WWTR1: variants seen among roughly 807,000 people sequenced by gnomAD.
WWTR1 encodes WW domain containing transcription regulator 1.
Under a neutral mutation model 40.1 loss-of-function variants are expected in WWTR1, and 13 were observed. The observed-to-expected ratio is 0.32, with a 90% CI of 0.21 to 0.52. The LOEUF (loss-of-function observed/expected upper bound fraction) is 0.52, where lower values mean the gene tolerates loss of function less well. Ranked by LOEUF, WWTR1 falls within the 20% of genes least tolerant of loss-of-function variation. The pLI is 0.97. For synonymous variants in WWTR1, 230 were observed against 210.1 expected, an observed-to-expected ratio of 1.09 and a Z score of -0.82; for missense variants, 436 against 523.1, an observed-to-expected ratio of 0.83 and a Z score of 1.63.
chr3:149,719,610 T>A (rs60696276), intron 4 of WWTR1, among the ~76,000 whole-genome samples: 4,015 of 152,350 alleles, frequency 0.026, 119 homozygotes, highest in East Asian at 0.13. Context: ...ATATCTTTGA[T>A]ACTTTGCTTT....
chr3:149,530,041 A>G (rs1735493292), intron 4 of WWTR1, among the ~76,000 whole-genome samples: 1 of 152,158 alleles, frequency 6.6e-6, no homozygotes. Context: ...AAACTTTATC[A>G]ACATATGTCT....
Position 149,672,899 on chromosome 3 carries a change from T to C in WWTR1, c.-107-3008A>G, listed in dbSNP as rs749345748. Among the ~76,000 whole-genome samples, 18 of 151,380 alleles carry C rather than the reference T, an allele frequency of 1.2e-4. No homozygotes were observed. In the East Asian group the frequency reaches 2.9e-3, roughly 25 times the overall value. On this transcript the variant is annotated intron_variant, in intron 1 of 7. Coordinates refer to the WWTR1 transcript ENST00000465804. ...CCTGGGCTCAAGCGATCCTCCCGCC[T>C]CAGCCTCTGAGGAGCTGGGACTACA...
chr3:149,538,312 A>G (rs1188708823), intron 4 of WWTR1, among the ~76,000 whole-genome samples: 3 of 152,186 alleles, frequency 2.0e-5, no homozygotes, highest in Non-Finnish European at 2.9e-5. Flanking sequence ...TTCAATAAGA[A>G]TTGCTTTTTT....
chr3:149,528,373 C>T (rs888462424), intron 4 of WWTR1, among the ~76,000 whole-genome samples: 2 of 152,242 alleles, frequency 1.3e-5, no homozygotes, highest in African/African-American at 4.8e-5. Context: ...ACATTCTGGT[C>T]TTTGCCACTT....
At chr3:149,719,195 G>C (rs1291662915) in intron 4 of WWTR1, among the ~76,000 whole-genome samples, 1 of 149,508 alleles carries the variant, frequency 6.7e-6, no homozygotes, top group Non-Finnish European at 1.5e-5. Context: ...TTGAGACCGA[G>C]TCTCACTCTG....
chr3:149,575,267 A>G (rs575790339), intron 2 of WWTR1, among the ~76,000 whole-genome samples: 1 of 152,240 alleles, frequency 6.6e-6, no homozygotes, highest in Non-Finnish European at 1.5e-5. Context: ...GTGGAAACTC[A>G]TAGCCAGCCT....
chr3:149,610,169 C>T (rs963380612), intron 2 of WWTR1, among the ~76,000 whole-genome samples: 1 of 152,228 alleles, frequency 6.6e-6, no homozygotes, highest in Non-Finnish European at 1.5e-5. Context: ...TACTATACAT[C>T]TTCTAAAAAT....
At chr3:149,616,521 C>A (rs1739981643) in intron 2 of WWTR1, among the ~76,000 whole-genome samples, 1 of 152,012 alleles carries the variant, frequency 6.6e-6, no homozygotes, top group South Asian at 2.1e-4. Flanking sequence ...CGGCTCACCG[C>A]AACCTCTGCC....
At chr3:149,708,830 G>T (rs1379085767) in intron 5 of WWTR1, among the ~76,000 whole-genome samples, 1 of 152,072 alleles carries the variant, frequency 6.6e-6, no homozygotes, top group Admixed American at 6.5e-5. Flanking sequence ...AATATACCCA[G>T]AAGAAGGATT....
intron 3 of WWTR1, among the ~76,000 whole-genome samples, chr3:149,570,746 G>GCATGC (rs1265463830): frequency 6.6e-6 from 1 of 152,132 alleles, no homozygotes; most frequent in Non-Finnish European, 1.5e-5. Flanking sequence ...GTGTGCATAT[G>GCATGC]CATGCATGTA....
intron 2 of WWTR1, among the ~76,000 whole-genome samples, chr3:149,622,454 G>A (rs994718572): frequency 9.0e-5 from 7 of 77,826 alleles, no homozygotes; most frequent in East Asian, 5.9e-4. Flanking sequence ...AGAAAGAAAG[G>A]AAGGAAGGAA....
At chr3:149,711,587 A>G (rs1006335193) in intron 5 of WWTR1, among the ~76,000 whole-genome samples, 5 of 152,206 alleles carry the variant, frequency 3.3e-5, no homozygotes, top group African/African-American at 1.2e-4. Flanking sequence ...TAGCCTCAGC[A>G]GCTGAACTTG....
intron 2 of WWTR1, among the ~76,000 whole-genome samples, chr3:149,627,020 G>A (rs986697319): frequency 2.6e-5 from 4 of 152,016 alleles, no homozygotes; most frequent in African/African-American, 9.7e-5. Flanking sequence ...TGAGACATGA[G>A]AAGTTTCTTA....
At chr3:149,557,406 C>T (rs916019128) in intron 3 of WWTR1, among the ~76,000 whole-genome samples, 2 of 152,140 alleles carry the variant, frequency 1.3e-5, no homozygotes, top group Non-Finnish European at 1.5e-5. Flanking sequence ...ACATTGTCCC[C>T]TAGATCACAG....
At position 149,622,495 on chromosome 3, in the gene WWTR1, AAGGAAGG is replaced by A. The variant is rs1560089710; in HGVS notation, c.431+34374_431+34380del. Among the ~76,000 whole-genome samples the A allele has an allele frequency of 7.3e-3, 892 of 122,274 alleles. 9 individuals are homozygous for A. The highest frequency in any genetic ancestry group is 0.024 in the African/African-American group (774 of 31,928). The allele number at this position is 122,274 out of a possible 152,430, so 80.2% of individuals were successfully genotyped here. A position where few individuals can be genotyped will look rare whatever the true frequency, so the allele number is the denominator to read the frequency against. On this transcript the variant is annotated intron_variant, in intron 2 of 6. Transcript: ENST00000360632. ...GAAGGAAGGAAGGAAGGAAGGAAGG[AAGGAAGG>A]AAGAAAGAAAGAAAGAAAGAAAGAA... is the stretch of plus-strand genomic sequence containing the variant.
At chr3:149,561,370 A>AT (rs1737070615) in intron 3 of WWTR1, among the ~76,000 whole-genome samples, 1 of 152,250 alleles carries the variant, frequency 6.6e-6, no homozygotes, top group Non-Finnish European at 1.5e-5. Flanking sequence ...AGCTATCAGA[A>AT]TAGTAAAGGC....
intron 2 of WWTR1, among the ~76,000 whole-genome samples, chr3:149,591,947 G>A (rs1342774051): frequency 6.6e-6 from 1 of 152,194 alleles, no homozygotes; most frequent in Non-Finnish European, 1.5e-5. Context: ...AGCAAAGGGA[G>A]AGACACTTCT....
At chr3:149,590,999 CTT>C (rs35562651) in intron 2 of WWTR1, among the ~76,000 whole-genome samples, 10,372 of 144,108 alleles carry the variant, frequency 0.072, 416 homozygotes, top group Middle Eastern at 0.12. Flanking sequence ...CAAAACTTAG[CTT>C]TTTTTTTTTT....
intron 1 of WWTR1, among the ~76,000 whole-genome samples, chr3:149,673,185 G>A (rs4681539): frequency 0.37 from 56,488 of 151,756 alleles, 10,895 homozygotes; most frequent in Middle Eastern, 0.55. Context: ...AGGCCAGTCT[G>A]GGCAATATAG....
Sources: gnomAD v4.1 joint callset for allele counts (sites outside exome capture counted in the v4.1 genomes callset) on GRCh38, gnomAD v4.1.1 for gene constraint, MANE v1.5 for transcripts, NCBI Gene and HGNC (gene_info 2026-07-23, HGNC 2026-07-21) for gene names.